The following USP34 variants were observed in gnomAD, a reference collection of about 807,000 sequenced individuals.
USP34 encodes ubiquitin carboxyl-terminal hydrolase 34.
In USP34, 70 loss-of-function variants were observed where a neutral mutation model predicts 460.3. The observed-to-expected ratio is 0.15, with a 90% CI of 0.13 to 0.19. The LOEUF is 0.19. Among genes scored for constraint, USP34 ranks in the 10% least tolerant of loss-of-function variants. The probability of loss-of-function intolerance (pLI) is 1.00; values close to 1 mark genes in which losing one functional copy is unlikely to be tolerated. For missense variants in USP34, 3,985 were observed against 4,236.2 expected (o/e 0.94, Z 1.65); for synonymous variants, 1,647 against 1,405.3 (o/e 1.17, Z -3.85).
chr2:61,271,446 A>G (rs956346649), intron 41 of USP34, among the ~76,000 whole-genome samples: 4 of 152,214 alleles, frequency 2.6e-5, no homozygotes, highest in African/African-American at 9.6e-5. Context: ...GCATAAGACA[A>G]ATGTACTGTT....
chr2:61,313,810 C>T (rs1690666288), intron 25 of USP34, among the ~76,000 whole-genome samples: 1 of 152,022 alleles, frequency 6.6e-6, no homozygotes, highest in Non-Finnish European at 1.5e-5. Context: ...TATAAAATAT[C>T]TTTACTATGC....
intron 23 of USP34, among the ~76,000 whole-genome samples, chr2:61,317,207 T>C (rs559882165): frequency 6.6e-6 from 1 of 152,282 alleles, no homozygotes; most frequent in South Asian, 2.1e-4. Flanking sequence ...AAAAATAAAT[T>C]TGCTTCATAA....
chr2:61,265,243 T>C, intron 43 of USP34, 154 bp downstream of exon 43: 13 of 789,324 alleles, frequency 1.6e-5, no homozygotes, highest in Non-Finnish European at 2.6e-5. Flanking sequence ...AATGTATAAC[T>C]ATGTAAAATA....
chr2:61,377,484 G>A (rs1692831627), intron 8 of USP34, among the ~76,000 whole-genome samples: 1 of 152,038 alleles, frequency 6.6e-6, no homozygotes, highest in Admixed American at 6.6e-5. Flanking sequence ...GATGTTATTG[G>A]AAATGGGGCC....
intron 22 of USP34, among the ~76,000 whole-genome samples, chr2:61,318,009 A>G (rs1344418609): frequency 1.3e-5 from 2 of 152,032 alleles, no homozygotes; most frequent in Non-Finnish European, 2.9e-5. Flanking sequence ...CCTGGGCAAC[A>G]TGGCGAAATC....
intron 1 of USP34, among the ~76,000 whole-genome samples, chr2:61,459,920 G>C (rs939378997): frequency 1.3e-5 from 2 of 152,100 alleles, no homozygotes; most frequent in South Asian, 4.1e-4. Context: ...AAATTAGCTG[G>C]ACATGGTGGC....
At chr2:61,218,264 G>A (rs1452113199) in intron 67 of USP34, among the ~76,000 whole-genome samples, 3 of 147,812 alleles carry the variant, frequency 2.0e-5, no homozygotes, top group African/African-American at 7.5e-5. Context: ...ATAGCTCTTG[G>A]CTGTGTGCTC....
intron 12 of USP34, 61 bp from the exon 13 acceptor site, chr2:61,349,346 G>C: frequency 6.5e-7 from 1 of 1,533,408 alleles, no homozygotes; most frequent in East Asian, 2.3e-5. Flanking sequence ...CTTTGAGACA[G>C]CGTATCAGTT....
intron 5 of USP34, among the ~76,000 whole-genome samples, chr2:61,389,889 T>A (rs1693289945): frequency 6.6e-6 from 1 of 152,088 alleles, no homozygotes; most frequent in African/African-American, 2.4e-5. Flanking sequence ...TTGCTCCCTG[T>A]AACTGCAGAA....
At chr2:61,385,282 C>T (rs1363753295) in intron 5 of USP34, among the ~76,000 whole-genome samples, 3 of 151,978 alleles carry the variant, frequency 2.0e-5, no homozygotes, top group Admixed American at 1.3e-4. Flanking sequence ...ATAGTTCTCC[C>T]GAAATTCATC....
rs777688125 is a variant in USP34, at chr2:61,348,109, C to T, written c.2046G>A (p.Leu682=). The change falls in exon 15 of 80, where the codon TTG becomes TTA. Residue 682 remains leucine (L), a synonymous_variant. Coordinates refer to ENST00000398571, the MANE Select transcript of USP34 (RefSeq NM_014709.4). The part of the protein sequence containing the change: ...GKDLVFNTES[L]PSVDNRMRML... ...TTCGCATTCGATTATCTACTGATGG[C>T]AATGATTCAGTGTTAAAAACCAGGT... is the stretch of plus-strand genomic sequence containing the variant. 22 of 1,614,084 alleles carry T rather than the reference C, an allele frequency of 1.4e-5. No homozygotes were observed. The highest frequency in any genetic ancestry group is 1.7e-5 in the Non-Finnish European group (20 of 1,180,034).
intron 5 of USP34, among the ~76,000 whole-genome samples, chr2:61,393,123 T>C (rs1240842148): frequency 6.6e-6 from 1 of 152,104 alleles, no homozygotes; most frequent in Admixed American, 6.6e-5. Context: ...CATTCCCATT[T>C]TGCAAATTAA....
chr2:61,248,060 G>A (rs1688467262), intron 49 of USP34, among the ~76,000 whole-genome samples: 2 of 151,886 alleles, frequency 1.3e-5, no homozygotes, highest in South Asian at 2.1e-4. Flanking sequence ...GGTGGTGCGT[G>A]CCTATGGTCC....
Position 61,365,944 on chromosome 2 carries a change from C to CTATTTATT in USP34, c.1251+4369_1251+4376dup, listed in dbSNP as rs70963417. ...GAAAGACTAAAATGACTGGGAACAC[C>CTATTTATT]TATTTATTTATTTATTTATTTATTT... On this transcript the variant is annotated intron_variant, in intron 10 of 79. Coordinates refer to ENST00000398571, the MANE Select transcript of USP34 (RefSeq NM_014709.4). Among the ~76,000 whole-genome samples, 393 of 150,284 alleles carry CTATTTATT rather than the reference C, an allele frequency of 2.6e-3. 3 individuals carry two copies. The highest frequency in any genetic ancestry group is 5.1e-3 in the South Asian group (24 of 4,680).
chr2:61,312,610 T>C (rs1369788665), intron 25 of USP34, among the ~76,000 whole-genome samples: 2 of 151,974 alleles, frequency 1.3e-5, no homozygotes, highest in East Asian at 1.9e-4. Context: ...CATGATCCAA[T>C]GTATGAGCAA....
intron 5 of USP34, among the ~76,000 whole-genome samples, chr2:61,388,909 A>G (rs1471027222): frequency 6.6e-6 from 1 of 152,142 alleles, no homozygotes; most frequent in Non-Finnish European, 1.5e-5. Flanking sequence ...ATGAACTGTA[A>G]TAACCTAAAT....
At chr2:61,213,370 C>T (rs916202937) in intron 68 of USP34, among the ~76,000 whole-genome samples, 1 of 151,960 alleles carries the variant, frequency 6.6e-6, no homozygotes, top group African/African-American at 2.4e-5. Context: ...AGATTCTATA[C>T]AACTCATTAC....
rs1321222814 is a variant in USP34 at position 61,221,377 on chromosome 2, A to G, written c.7899+125T>C. 7 of 816,866 alleles carry G rather than the reference A, an allele frequency of 8.6e-6. No homozygotes were observed. The South Asian group carries it at 9.7e-5, about 11-fold the overall frequency. 50.6% of individuals were successfully genotyped at this position (816,866 alleles called of 1,614,324 possible). On this transcript the variant is annotated intron_variant, in intron 66 of 79. Transcript: ENST00000398571. The stretch of plus-strand genomic sequence containing the variant: ...TAGCTAGGAACTCTTTTCCTCCCCA[A>G]ACCTGTGACTTACTAAAACCATCTT...
chr2:61,364,193 C>T (rs1386981547), intron 10 of USP34, among the ~76,000 whole-genome samples: 3 of 152,070 alleles, frequency 2.0e-5, no homozygotes, highest in Admixed American at 6.5e-5. Flanking sequence ...CTGAGCAATA[C>T]AAGACACCAT....
Sources: allele counts gnomAD v4.1 joint callset (sites outside exome capture counted in the v4.1 genomes callset), GRCh38; gene constraint gnomAD v4.1.1; transcripts MANE v1.5; gene names NCBI Gene and HGNC (gene_info 2026-07-23, HGNC 2026-07-21).